The following EXPH5 variants were observed in gnomAD, a reference collection of about 807,000 sequenced individuals.
The protein encoded by EXPH5 is exophilin 5.
In EXPH5, 42 loss-of-function variants were observed where a neutral mutation model predicts 41.1. The observed-to-expected ratio is 1.02, with a 90% CI of 0.80 to 1.32. The LOEUF is 1.32. Among genes scored for constraint, EXPH5 ranks in the 40% most tolerant of loss-of-function variants. The pLI, the probability that EXPH5 is intolerant of heterozygous loss-of-function variation, is 0.00. For synonymous variants in EXPH5, 798 were observed against 833.5 expected (o/e 0.96, Z 0.73); for missense variants, 2,298 against 2,314.5 (o/e 0.99, Z 0.15).
intron 1 of EXPH5, among the ~76,000 whole-genome samples, chr11:108,587,883 G>C (rs2094118099): frequency 6.6e-6 from 1 of 152,086 alleles, no homozygotes; most frequent in Non-Finnish European, 1.5e-5. Context: ...TTCCCAGGTA[G>C]CTGGGCTTAT....
At chr11:108,558,152 A>G (rs1042249240) in intron 1 of EXPH5, among the ~76,000 whole-genome samples, 7 of 152,148 alleles carry the variant, frequency 4.6e-5, no homozygotes, top group African/African-American at 1.7e-4. Context: ...CATGTTGTCC[A>G]GGCTGGTCTT....
intron 1 of EXPH5, among the ~76,000 whole-genome samples, chr11:108,556,342 T>C (rs1485826624): frequency 6.6e-6 from 1 of 152,196 alleles, no homozygotes; most frequent in African/African-American, 2.4e-5. Context: ...TTTTTGTTTT[T>C]TAAGTTTCAG....
upstream of EXPH5, among the ~76,000 whole-genome samples, chr11:108,594,855 C>T (rs142059960): frequency 7.6e-3 from 1,161 of 152,276 alleles, 19 homozygotes; most frequent in African/African-American, 0.025. Context: ...CTGGGCTACC[C>T]CATTTGATCA....
chr11:108,508,905 A>G lies in EXPH5; in HGVS notation c.*632T>C, dbSNP rs550226009. On this transcript the variant is annotated 3_prime_UTR_variant, in exon 6 of 6. Transcript: ENST00000265843. Reference sequence around the variant, plus strand: ...ATGTGCCTCCCAGGCTCCACTACGGATATAACAGGAAGTACTTACAAAATT... The same window carrying G: ...ATGTGCCTCCCAGGCTCCACTACGGGTATAACAGGAAGTACTTACAAAATT... 1.3e-5 allele frequency: 2 copies of G among 152,128 alleles called. No homozygotes were observed. Among genetic ancestry groups the G allele is most frequent in the African/African-American group, 4.8e-5 (2 of 41,462 alleles). 9.4% of individuals were successfully genotyped at this position (152,128 alleles called of 1,614,324 possible). A position where few individuals can be genotyped will look rare whatever the true frequency, so the allele number is the denominator to read the frequency against.
chr11:108,595,924 G>A (rs2640739), upstream of EXPH5, among the ~76,000 whole-genome samples: 121,153 of 152,074 alleles, frequency 0.8, 50,039 homozygotes, highest in Non-Finnish European at 0.91. Flanking sequence ...ACTTAAGGCC[G>A]GGCACAGTGG....
chr11:108,573,456 T>A (rs1164275629), intron 1 of EXPH5, among the ~76,000 whole-genome samples: 1 of 152,238 alleles, frequency 6.6e-6, no homozygotes, highest in African/African-American at 2.4e-5. Flanking sequence ...GTATGTTGTA[T>A]AGGTATAACA....
chr11:108,596,117 C>T (rs1053454102), upstream of EXPH5, among the ~76,000 whole-genome samples: 4 of 151,966 alleles, frequency 2.6e-5, no homozygotes, highest in Non-Finnish European at 5.9e-5. Flanking sequence ...ATCGCTTGAA[C>T]CCGGGAGGCG....
At chr11:108,580,822 G>T (rs570041798) in intron 1 of EXPH5, among the ~76,000 whole-genome samples, 1 of 152,130 alleles carries the variant, frequency 6.6e-6, no homozygotes, top group Non-Finnish European at 1.5e-5. Flanking sequence ...AACACCACAC[G>T]TTCTCACTCA....
At chr11:108,520,860 C>T (rs775707483) in intron 4 of EXPH5, among the ~76,000 whole-genome samples, 2 of 152,316 alleles carry the variant, frequency 1.3e-5, no homozygotes, top group Admixed American at 6.5e-5. Context: ...TGAGCCACCT[C>T]GCCCAGCTAT....
chr11:108,573,172 GAA>G (rs1369435884), intron 1 of EXPH5, among the ~76,000 whole-genome samples: 40 of 144,210 alleles, frequency 2.8e-4, no homozygotes, highest in African/African-American at 1.0e-3. Flanking sequence ...AAGAAAGAAA[GAA>G]AGAAAGAAAG....
At chr11:108,557,629 C>T (rs915952681) in intron 1 of EXPH5, among the ~76,000 whole-genome samples, 2 of 151,876 alleles carry the variant, frequency 1.3e-5, no homozygotes, top group African/African-American at 2.4e-5. Flanking sequence ...ATTACAGGCA[C>T]GAGCCACTGC....
intron 1 of EXPH5, among the ~76,000 whole-genome samples, chr11:108,582,422 C>T (rs11212717): frequency 0.065 from 9,799 of 151,316 alleles, 849 homozygotes; most frequent in African/African-American, 0.2. Context: ...GCTGAGATCA[C>T]GCCACTGCAC....
rs2093698046 is a variant in EXPH5 at position 108,513,406 on chromosome 11, T to C, written c.2101A>G (p.Lys701Glu). 1 of 1,613,534 alleles carries C rather than the reference T, an allele frequency of 6.2e-7. No homozygotes were observed. Among genetic ancestry groups the C allele is most frequent in the African/African-American group, 1.3e-5 (1 of 74,912 alleles). The change falls in exon 6 of 6, where the codon AAA becomes GAA. Residue 701 changes from lysine (K) to glutamate (E), a missense_variant. Lys to Glu is a moderately conservative substitution (Grantham distance 56). Transcript: ENST00000265843. ...NILVTEVNNE[K>E]DLNESISEED... ...TCTGAAATAGATTCATTTAAGTCTTTCTCATTATTTACTTCTGTGACCAAG... is the reference window on the plus strand; with the variant it reads ...TCTGAAATAGATTCATTTAAGTCTTCCTCATTATTTACTTCTGTGACCAAG...
At position 108,572,580 on chromosome 11, in the gene EXPH5, C is replaced by CA. The variant is rs773186843; in HGVS notation, c.119+20837dup. ...AGTTATTGATTTATTTATTTTGAGACAGAGTTTTCCTCTTGTTGCCCAAGC... is the reference window on the plus strand; with the variant it reads ...AGTTATTGATTTATTTATTTTGAGACAAGAGTTTTCCTCTTGTTGCCCAAGC... On this transcript the variant is annotated intron_variant, in intron 1 of 5. Transcript: ENST00000265843. 3.9e-5 allele frequency among the ~76,000 whole-genome samples: 6 copies of CA among 152,206 alleles called. No homozygotes were observed. In the East Asian group the frequency reaches 5.8e-4, roughly 15 times the overall value.
At chr11:108,526,752 C>T (rs776066617) in intron 4 of EXPH5, among the ~76,000 whole-genome samples, 46 of 152,304 alleles carry the variant, frequency 3.0e-4, no homozygotes, top group South Asian at 4.1e-4. Context: ...GCTTTCTAAT[C>T]CTCAGTCTGC....
chr11:108,550,648 G>A (rs1241726623), intron 1 of EXPH5, among the ~76,000 whole-genome samples: 4 of 152,000 alleles, frequency 2.6e-5, no homozygotes, highest in African/African-American at 9.7e-5. Flanking sequence ...GCGTGGTGGT[G>A]CATGCTTGTA....
chr11:108,581,209 T>A (rs1042451590), intron 1 of EXPH5, among the ~76,000 whole-genome samples: 1 of 151,568 alleles, frequency 6.6e-6, no homozygotes, highest in Non-Finnish European at 1.5e-5. Context: ...GAGGCTGAGG[T>A]GGAAGGACTA....
intron 1 of EXPH5, among the ~76,000 whole-genome samples, chr11:108,554,610 A>G (rs916691088): frequency 2.0e-5 from 3 of 152,090 alleles, no homozygotes; most frequent in Non-Finnish European, 4.4e-5. Context: ...TCCCAACACA[A>G]AAGAGATCTA....
chr11:108,575,285 G>A (rs116519250), intron 1 of EXPH5, among the ~76,000 whole-genome samples: 252 of 152,290 alleles, frequency 1.7e-3, no homozygotes, highest in African/African-American at 5.7e-3. Flanking sequence ...TAAAACAAAG[G>A]CCTTCCCGCA....
Sources: gnomAD v4.1 joint callset for allele counts (sites outside exome capture counted in the v4.1 genomes callset) on GRCh38, gnomAD v4.1.1 for gene constraint, MANE v1.5 for transcripts, NCBI Gene and HGNC (gene_info 2026-07-23, HGNC 2026-07-21) for gene names.